KLHL1: variants seen among roughly 807,000 people sequenced by gnomAD.
KLHL1 encodes the protein kelch like family member 1.
Under a neutral mutation model 77.7 loss-of-function variants are expected in KLHL1, and 47 were observed. That is an observed-to-expected ratio of 0.60 (90% CI 0.48 to 0.77). The LOEUF (loss-of-function observed/expected upper bound fraction) is 0.77. KLHL1 is among the 30% of genes least tolerant of loss of function. The pLI, the probability that KLHL1 is intolerant of heterozygous loss-of-function variation, is 0.00. For missense variants in KLHL1, 925 were observed against 910.8 expected, an observed-to-expected ratio of 1.02 and a Z score of -0.20; for synonymous variants, 360 against 325.2, an observed-to-expected ratio of 1.11 and a Z score of -1.15.
chr13:70,071,650 T>A (rs557010687), intron 1 of KLHL1, among the ~76,000 whole-genome samples: 6 of 151,880 alleles, frequency 4.0e-5, no homozygotes, highest in Non-Finnish European at 8.8e-5. Context: ...GACCACAATG[T>A]AATTAAAATA....
intron 2 of KLHL1, among the ~76,000 whole-genome samples, chr13:69,970,651 G>T (rs1172134067): frequency 2.6e-5 from 4 of 152,068 alleles, no homozygotes; most frequent in Admixed American, 2.6e-4. Flanking sequence ...CCTGTGGGTG[G>T]ATCTTAAAGC....
At chr13:70,035,043 C>T (rs1278329695) in intron 1 of KLHL1, among the ~76,000 whole-genome samples, 2 of 151,990 alleles carry the variant, frequency 1.3e-5, no homozygotes, top group Admixed American at 1.3e-4. Flanking sequence ...CACTTCTTGG[C>T]ATCATAACTA....
intron 4 of KLHL1, among the ~76,000 whole-genome samples, chr13:69,938,687 G>A (rs551760280): frequency 1.4e-4 from 22 of 152,108 alleles, no homozygotes; most frequent in Non-Finnish European, 2.8e-4. Context: ...TGTTTACTTT[G>A]ATTTGCTATG....
intron 1 of KLHL1, among the ~76,000 whole-genome samples, chr13:70,089,374 A>G (rs982976805): frequency 6.6e-6 from 1 of 152,168 alleles, no homozygotes; most frequent in African/African-American, 2.4e-5. Context: ...GCATATTAAA[A>G]ATAGAAAGCC....
chr13:69,751,275 T>C (rs1874467726), intron 7 of KLHL1, among the ~76,000 whole-genome samples: 4 of 152,038 alleles, frequency 2.6e-5, no homozygotes, highest in South Asian at 4.1e-4. Context: ...CATGGATTCA[T>C]TCTTCATCAA....
At chr13:69,932,394 A>G (rs530626125) in intron 4 of KLHL1, among the ~76,000 whole-genome samples, 1 of 151,882 alleles carries the variant, frequency 6.6e-6, no homozygotes, top group East Asian at 1.9e-4. Context: ...AGACCCTGAC[A>G]TTTCTTCCTT....
intron 1 of KLHL1, among the ~76,000 whole-genome samples, chr13:70,057,124 G>A (rs1886761345): frequency 6.6e-6 from 1 of 152,028 alleles, no homozygotes. Flanking sequence ...ACTGCAGAAA[G>A]CAAATGATCA....
chr13:69,874,989 A>G (rs1817286875), intron 5 of KLHL1, among the ~76,000 whole-genome samples: 1 of 152,162 alleles, frequency 6.6e-6, no homozygotes, highest in Non-Finnish European at 1.5e-5. Context: ...TTGTTTCTAC[A>G]TAGCATTTGA....
chr13:69,757,624 C>T (rs935991622), intron 7 of KLHL1, among the ~76,000 whole-genome samples: 2 of 152,018 alleles, frequency 1.3e-5, no homozygotes, highest in Non-Finnish European at 2.9e-5. Context: ...GGATGGCTGT[C>T]AAATAGGTTA....
chr13:69,904,463 T>C (rs1487007982), intron 4 of KLHL1, among the ~76,000 whole-genome samples: 1 of 152,206 alleles, frequency 6.6e-6, no homozygotes, highest in East Asian at 1.9e-4. Context: ...CTGAAAGAGC[T>C]GAAGTTGACT....
At chr13:69,859,179 C>T (rs566043909) in intron 5 of KLHL1, among the ~76,000 whole-genome samples, 2 of 151,922 alleles carry the variant, frequency 1.3e-5, no homozygotes, top group Non-Finnish European at 2.9e-5. Flanking sequence ...ATTGTAATAC[C>T]TTCTGACTGG....
At chr13:69,985,541 T>C (rs1884839778) in intron 1 of KLHL1, among the ~76,000 whole-genome samples, 1 of 151,528 alleles carries the variant, frequency 6.6e-6, no homozygotes, top group Admixed American at 6.6e-5. Context: ...ATTATGTTGG[T>C]GGGAATGTAA....
At chr13:70,102,491 A>G (rs1887945194) in intron 1 of KLHL1, among the ~76,000 whole-genome samples, 1 of 152,204 alleles carries the variant, frequency 6.6e-6, no homozygotes, top group African/African-American at 2.4e-5. Context: ...TAAACATTCA[A>G]ACACAATCTC....
At chr13:69,738,277 T>C (rs1031487644) in intron 8 of KLHL1, among the ~76,000 whole-genome samples, 5 of 151,114 alleles carry the variant, frequency 3.3e-5, no homozygotes, top group Admixed American at 2.0e-4. Flanking sequence ...GATAAATCCA[T>C]GAAGATGAGA....
intron 5 of KLHL1, among the ~76,000 whole-genome samples, chr13:69,839,692 T>G (rs989566011): frequency 6.6e-5 from 10 of 152,080 alleles, no homozygotes; most frequent in African/African-American, 2.4e-4. Context: ...ATTTAAAAGT[T>G]GTGTATTAGG....
At chr13:69,754,083 C>T (rs145853660) in intron 7 of KLHL1, among the ~76,000 whole-genome samples, 1 of 151,858 alleles carries the variant, frequency 6.6e-6, no homozygotes, top group African/African-American at 2.4e-5. Context: ...CTCAAGCAAT[C>T]CACCTGCCTC....
intron 1 of KLHL1, among the ~76,000 whole-genome samples, chr13:70,040,914 G>A (rs1392411515): frequency 1.2e-4 from 18 of 152,144 alleles, no homozygotes; most frequent in South Asian, 2.1e-4. Flanking sequence ...GCCATGTTCA[G>A]TTTTGTTTTC....
intron 1 of KLHL1, among the ~76,000 whole-genome samples, chr13:70,013,957 T>C (rs1373030322): frequency 3.9e-5 from 6 of 152,142 alleles, no homozygotes; most frequent in Admixed American, 2.0e-4. Flanking sequence ...ATACAAACAA[T>C]TCTCTGTAGA....
intron 1 of KLHL1, among the ~76,000 whole-genome samples, chr13:70,104,677 ATTGT>A (rs973192490): frequency 6.6e-6 from 1 of 152,130 alleles, no homozygotes; most frequent in Non-Finnish European, 1.5e-5. Context: ...ATATGACATC[ATTGT>A]TTGGTGATAT....
Sources: gnomAD v4.1 joint callset for allele counts (sites outside exome capture counted in the v4.1 genomes callset) on GRCh38, gnomAD v4.1.1 for gene constraint, MANE v1.5 for transcripts, NCBI Gene and HGNC (gene_info 2026-07-23, HGNC 2026-07-21) for gene names.